Variants in USB1 observed in about 807,000 individuals in gnomAD.
The protein encoded by USB1 is U6 snRNA phosphodiesterase 1.
In USB1, 21 loss-of-function variants were observed where a neutral mutation model predicts 29.9. The observed-to-expected ratio is 0.70, with a 90% CI of 0.50 to 1.01. USB1 has a LOEUF of 1.01. USB1 is among the 50% of genes least tolerant of loss of function. The pLI, the probability that USB1 is intolerant of heterozygous loss-of-function variation, is 0.00. For synonymous variants in USB1, 143 were observed against 134.9 expected (o/e 1.06, Z -0.42); for missense variants, 330 against 347.1 (o/e 0.95, Z 0.39).
At chr16:58,008,519 T>C (rs1051238874) in intron 2 of USB1, among the ~76,000 whole-genome samples, 3 of 148,060 alleles carry the variant, frequency 2.0e-5, no homozygotes, top group African/African-American at 5.0e-5. Flanking sequence ...AGTGGCGCAA[T>C]CTCAGCTCAC....
rs16959641 is a variant in USB1, at chr16:58,020,195, C to G, written c.748C>G (p.Gln250Glu). 121,260 of 1,614,084 alleles carry G rather than the reference C, an allele frequency of 0.075. 5,166 individuals are homozygous for G. Among genetic ancestry groups the G allele is most frequent in the South Asian group, 0.083 (7,603 of 91,080 alleles). ...AEVLLRVHTE[Q>E]VRCKSGNKFF... ...GGTGCTGCTGCGCGTGCACACTGAG[C>G]AAGTCCGCTGCAAGTCTGGGAACAA... Residue 250 changes from glutamine (Q) to glutamate (E), a missense_variant, in exon 7 of 7, where the codon CAA becomes GAA. Coordinates refer to ENST00000219281, the MANE Select transcript of USB1 (RefSeq NM_024598.4).
At chr16:58,016,559 A>G (rs1963620326) in intron 4 of USB1, 2 of 154,616 alleles carry the variant, frequency 1.3e-5, no homozygotes, top group African/African-American at 4.8e-5. Flanking sequence ...GGGAGGCTGG[A>G]GAGGAGAGAG....
intron 1 of USB1, among the ~76,000 whole-genome samples, chr16:58,002,019 G>A (rs1382964668): frequency 1.3e-5 from 2 of 152,198 alleles, no homozygotes; most frequent in Non-Finnish European, 2.9e-5. Context: ...CAAAACCGTC[G>A]GCCTTACTTC....
chr16:58,014,804 C>T (rs552553966), intron 4 of USB1, among the ~76,000 whole-genome samples: 1 of 151,646 alleles, frequency 6.6e-6, no homozygotes, highest in African/African-American at 2.4e-5. Context: ...AGGCCAGGTG[C>T]GGTGGCTCAC....
At chr16:58,014,117 TTTAAGGTTCAGTATA>T in intron 3 of USB1, 141 bp from the exon 4 acceptor site, 2 of 657,456 alleles carry the variant, frequency 3.0e-6, no homozygotes. Context: ...AGCTCTAATG[TTTAAGGTTCAGTATA>T]CCACCTGCAT....
intron 2 of USB1, among the ~76,000 whole-genome samples, chr16:58,008,453 C>CTTTTTTTTT (rs56262437): frequency 1.7e-5 from 2 of 115,188 alleles, no homozygotes; most frequent in African/African-American, 3.2e-5. Context: ...TTTTCTTTTT[C>CTTTTTTTTT]TTTTTTTTTT....
At chr16:58,002,749 T>G (rs1854996202) in intron 2 of USB1, 104 bp downstream of exon 2, 3 of 1,469,060 alleles carry the variant, frequency 2.0e-6, no homozygotes, top group Non-Finnish European at 2.8e-6. Context: ...CAGAAACCTC[T>G]AACACTGGTG....
chr16:58,019,443 G>T (rs1963689648), intron 6 of USB1, among the ~76,000 whole-genome samples: 1 of 152,208 alleles, frequency 6.6e-6, no homozygotes, highest in South Asian at 2.1e-4. Flanking sequence ...GCTTGGGCCT[G>T]GCACTGAAAA....
At chr16:58,011,783 G>A (rs1597050963) in intron 3 of USB1, 3 of 988,370 alleles carry the variant, frequency 3.0e-6, no homozygotes, top group Non-Finnish European at 3.6e-6. Context: ...ATTCCTCCAG[G>A]CCAGGACTGT....
chr16:58,002,389 T>C, intron 1 of USB1, 90 bp from the exon 2 acceptor site: 3 of 1,580,524 alleles, frequency 1.9e-6, no homozygotes, highest in South Asian at 2.2e-5. Context: ...AGAGCCACCA[T>C]ATATAAGGGG....
chr16:58,011,706 CT>C (rs1282413816), intron 3 of USB1: 4 of 987,538 alleles, frequency 4.1e-6, no homozygotes, highest in African/African-American at 1.7e-5. Flanking sequence ...TTCTTTACCC[CT>C]GGTGGTCATT....
intron 2 of USB1, among the ~76,000 whole-genome samples, chr16:58,006,509 A>C (rs953100096): frequency 1.3e-5 from 2 of 151,888 alleles, no homozygotes; most frequent in African/African-American, 2.4e-5. Context: ...AAATACAAAA[A>C]TTAGCTGGGC....
chr16:58,017,729 T>A (rs1480456795), intron 5 of USB1, among the ~76,000 whole-genome samples: 1 of 152,228 alleles, frequency 6.6e-6, no homozygotes, highest in African/African-American at 2.4e-5. Flanking sequence ...TTTTCACATT[T>A]TTTAAGTAGA....
At chr16:58,001,647 T>G in intron 1 of USB1, 66 bp downstream of exon 1, 1 of 1,507,714 alleles carries the variant, frequency 6.6e-7, no homozygotes, top group Non-Finnish European at 9.0e-7. Flanking sequence ...GGGACCCGAA[T>G]GTCTGGGGGT....
intron 2 of USB1, among the ~76,000 whole-genome samples, chr16:58,007,163 G>A (rs1963380859): frequency 6.6e-6 from 1 of 152,166 alleles, no homozygotes; most frequent in Non-Finnish European, 1.5e-5. Context: ...AGAGATATGG[G>A]TCTGTAGTTT....
intron 2 of USB1, among the ~76,000 whole-genome samples, chr16:58,004,422 G>A (rs1963305046): frequency 6.6e-6 from 1 of 152,112 alleles, no homozygotes. Flanking sequence ...GTAGTGTGTT[G>A]ACTATTCTGG....
At chr16:58,012,026 A>G in intron 3 of USB1, 2 of 1,209,698 alleles carry the variant, frequency 1.7e-6, no homozygotes, top group Non-Finnish European at 2.1e-6. Context: ...CAAAAGCCTG[A>G]TGTGTGGCTG....
rs562526527 is a variant in USB1 at position 58,001,450 on chromosome 16, G to C, written c.-34G>C. The C allele has an allele frequency of 6.4e-7, 1 of 1,573,940 alleles. No homozygotes were observed. Among genetic ancestry groups the C allele is most frequent in the Non-Finnish European group, 8.6e-7 (1 of 1,160,756 alleles). On this transcript the variant is annotated 5_prime_UTR_variant, in exon 1 of 7. Transcript: ENST00000219281. Reference sequence around the variant, plus strand: ...CTCCGGGTGCCGGTTGAGGTTGCTGGTGGACCTGCTCTGGTGGTCTTGGAT... The same window carrying C: ...CTCCGGGTGCCGGTTGAGGTTGCTGCTGGACCTGCTCTGGTGGTCTTGGAT...
At position 58,020,246 on chromosome 16, in the gene USB1, G is replaced by C; in HGVS notation, c.*1G>C. ...GTTCTTCTCGATGCCTTTGAAGTGA[G>C]CACCAGAGGCCTTCCTCCTCCAGGG... On this transcript the variant is annotated 3_prime_UTR_variant, in exon 7 of 7. Coordinates refer to ENST00000219281, the MANE Select transcript of USB1 (RefSeq NM_024598.4). The C allele has an allele frequency of 6.2e-7, 1 of 1,613,906 alleles. No individual in the cohort carries two copies. The highest frequency in any genetic ancestry group is 8.5e-7 in the Non-Finnish European group (1 of 1,179,818).
Sources: allele counts gnomAD v4.1 joint callset (sites outside exome capture counted in the v4.1 genomes callset), GRCh38; gene constraint gnomAD v4.1.1; transcripts MANE v1.5; gene names NCBI Gene and HGNC (gene_info 2026-07-23, HGNC 2026-07-21).